The following CDKL5 variants were observed in gnomAD, a reference collection of about 807,000 sequenced individuals.
CDKL5 encodes the protein cyclin dependent kinase like 5.
CDKL5 carries 8 observed loss-of-function variants against 61.7 expected under a neutral mutation model. That is an observed-to-expected ratio of 0.13 (90% confidence interval 0.08 to 0.23). The LOEUF (loss-of-function observed/expected upper bound fraction) is 0.23. Among genes scored for constraint, CDKL5 ranks in the 10% least tolerant of loss-of-function variants. The pLI, the probability that CDKL5 is intolerant of heterozygous loss-of-function variation, is 1.00. For synonymous variants in CDKL5, 275 were observed against 272.3 expected, an observed-to-expected ratio of 1.01 and a Z score of -0.10; for missense variants, 440 against 734.5, an observed-to-expected ratio of 0.60 and a Z score of 4.63.
rs149804050 is a variant in CDKL5 at position 18,529,394 on chromosome X, A to G, written c.99+18540A>G. ...TACTCAGTCAATAATAGTTACTATTATTATTTTGAACAGTTATCAATTAAG... is the reference window on the plus strand; with the variant it reads ...TACTCAGTCAATAATAGTTACTATTGTTATTTTGAACAGTTATCAATTAAG... On this transcript the variant is annotated intron_variant, in intron 3 of 17. Coordinates refer to ENST00000623535, the MANE Select transcript of CDKL5 (RefSeq NM_001323289.2). Among the ~76,000 whole-genome samples, 107 of 110,804 alleles carry G rather than the reference A, an allele frequency of 9.7e-4. 1 individual carries two copies. The East Asian group carries it at 0.021, about 21-fold the overall frequency.
intron 3 of CDKL5, among the ~76,000 whole-genome samples, chrX:18,554,056 A>G (rs1479142455): frequency 1.9e-5 from 2 of 106,758 alleles, no homozygotes; most frequent in African/African-American, 6.7e-5. Context: ...AGGTATTTAT[A>G]TATATATATT....
intron 3 of CDKL5, among the ~76,000 whole-genome samples, chrX:18,543,119 C>G (rs1485711681): frequency 9.1e-6 from 1 of 110,191 alleles, no homozygotes; most frequent in Non-Finnish European, 1.9e-5. Context: ...CCTACTTGGG[C>G]CTGCTGAAAC....
chrX:18,425,732 C>T (rs1205279634), intron 1 of CDKL5, 37 bp downstream of exon 1: 1 of 112,074 alleles, frequency 8.9e-6, no homozygotes, highest in East Asian at 2.9e-4. Context: ...GCCAAGCCTT[C>T]TTACCCTTAC....
intron 1 of CDKL5, among the ~76,000 whole-genome samples, chrX:18,428,067 TA>T (rs973322122): frequency 3.6e-5 from 4 of 111,770 alleles, no homozygotes; most frequent in African/African-American, 1.3e-4. Flanking sequence ...TGCTTGGGGT[TA>T]AGGCAGTTTC....
intron 3 of CDKL5, among the ~76,000 whole-genome samples, chrX:18,533,380 A>AG (rs1213263397): frequency 3.6e-5 from 4 of 111,804 alleles, no homozygotes; most frequent in African/African-American, 1.3e-4. Flanking sequence ...GCACCATGCC[A>AG]GGTTCCACCA....
chrX:18,652,202 A>G (rs2238952), intron 21 of CDKL5, among the ~76,000 whole-genome samples: 31,299 of 110,355 alleles, frequency 0.28, 4,268 homozygotes, highest in African/African-American at 0.52. Flanking sequence ...AACACACACC[A>G]TCGCCCCATC....
At chrX:18,525,767 A>G (rs1198354992) in intron 3 of CDKL5, among the ~76,000 whole-genome samples, 1 of 87,059 alleles carries the variant, frequency 1.1e-5, no homozygotes, top group African/African-American at 4.4e-5. Flanking sequence ...TTTTTTTTTA[A>G]TTGGAGTCTC....
chrX:18,468,935 T>C (rs1362401619), intron 1 of CDKL5, among the ~76,000 whole-genome samples: 1 of 111,681 alleles, frequency 9.0e-6, no homozygotes, highest in African/African-American at 3.3e-5. Context: ...GTCACAATCA[T>C]GAAAGAAATA....
In CDKL5 at chrX:18,431,577, A is replaced by G. The variant is rs748531424; in HGVS notation, c.-163+5882A>G. Reference sequence around the variant, plus strand: ...GCTGGGACTACAGGCGCCCGCCACCATGCCTAGCTAATTTTTTTTTTTGTA... The same window carrying G: ...GCTGGGACTACAGGCGCCCGCCACCGTGCCTAGCTAATTTTTTTTTTTGTA... On this transcript the variant is annotated intron_variant, in intron 1 of 17. Transcript: ENST00000623535. Among the ~76,000 whole-genome samples, 318 of 107,326 alleles carry G rather than the reference A, an allele frequency of 3.0e-3. 2 individuals carry two copies. The highest frequency in any genetic ancestry group is 0.011 in the African/African-American group (317 of 29,429). 93.2% of individuals were successfully genotyped at this position (107,326 alleles called of 115,157 possible). A position where few individuals can be genotyped will look rare whatever the true frequency, so the allele number is the denominator to read the frequency against.
At chrX:18,583,390 A>G (rs1925544077) in intron 7 of CDKL5, among the ~76,000 whole-genome samples, 1 of 111,813 alleles carries the variant, frequency 8.9e-6, no homozygotes, top group Middle Eastern at 4.6e-3. Context: ...TCAAAAATAC[A>G]AATATTTCTT....
At chrX:18,436,771 GCCTGTAGTCCCAGCTACTC>G (rs2147620692) in intron 1 of CDKL5, among the ~76,000 whole-genome samples, 1 of 107,791 alleles carries the variant, frequency 9.3e-6, no homozygotes, top group East Asian at 2.9e-4. Context: ...GGTGGTATGT[GCCTGTAGTCCCAGCTACTC>G]CCAGAGAGTA....
intron 1 of CDKL5, among the ~76,000 whole-genome samples, chrX:18,499,251 C>G (rs1466460062): frequency 9.0e-6 from 1 of 110,631 alleles, no homozygotes; most frequent in Admixed American, 9.7e-5. Flanking sequence ...TTTTCTCTTT[C>G]ATTTAGTTCT....
At chrX:18,481,302 T>C (rs1231925608) in intron 1 of CDKL5, among the ~76,000 whole-genome samples, 3 of 106,607 alleles carry the variant, frequency 2.8e-5, no homozygotes, top group Admixed American at 1.0e-4. Context: ...GTTTCAGCCA[T>C]TTCACCAAAG....
rs777145138 is a variant in CDKL5 at position 18,501,057 on chromosome X, T to TC, written c.-162-5877dup. Among the ~76,000 whole-genome samples the TC allele has an allele frequency of 3.0e-4, 33 of 111,299 alleles. No homozygotes were observed. In the South Asian group the frequency reaches 0.012, roughly 42 times the overall value. Reference sequence around the variant, plus strand: ...GGTTTCACCATGTTGGCCAGGTTGGTCTCCAACTCCTGACCTTAAGCAGTC... The same window carrying TC: ...GGTTTCACCATGTTGGCCAGGTTGGTCCTCCAACTCCTGACCTTAAGCAGTC... On this transcript the variant is annotated intron_variant, in intron 1 of 17. Transcript: ENST00000623535.
rs1291477933 is a variant in CDKL5 at position 18,445,964 on chromosome X, T to A, written c.-163+20269T>A. ...GAGGGCAGGGGTGAGCAGGTGTTTA[T>A]CATATGAAGAATCTCATTTAATACG... is the stretch of plus-strand genomic sequence containing the variant. On this transcript the variant is annotated intron_variant, in intron 1 of 17. Coordinates refer to ENST00000623535, the MANE Select transcript of CDKL5 (RefSeq NM_001323289.2). Among the ~76,000 whole-genome samples the A allele has an allele frequency of 2.7e-5, 3 of 110,621 alleles. No homozygotes were observed. In the East Asian group the frequency reaches 8.5e-4, roughly 31 times the overall value.
At chrX:18,517,440 A>G (rs1012368356) in intron 3 of CDKL5, among the ~76,000 whole-genome samples, 1 of 111,791 alleles carries the variant, frequency 8.9e-6, no homozygotes, top group African/African-American at 3.2e-5. Context: ...GAATACTTAT[A>G]GTTAACTTTA....
intron 14 of CDKL5, 117 bp downstream of exon 14, chrX:18,609,687 C>G (rs1024342363): frequency 3.6e-6 from 4 of 1,108,824 alleles, no homozygotes; most frequent in Non-Finnish European, 4.8e-6. Flanking sequence ...CGCCTTCCAG[C>G]GGTTCTCCCT....
intron 16 of CDKL5, among the ~76,000 whole-genome samples, chrX:18,620,569 G>A (rs1268696396): frequency 2.7e-5 from 3 of 110,988 alleles, no homozygotes; most frequent in East Asian, 2.8e-4. Flanking sequence ...CCATGGGACC[G>A]TTCACATCAC....
At chrX:18,473,887 G>A (rs1293505879) in intron 1 of CDKL5, among the ~76,000 whole-genome samples, 3 of 107,395 alleles carry the variant, frequency 2.8e-5, no homozygotes, top group Non-Finnish European at 5.8e-5. Context: ...GGCCATCAGG[G>A]GAACTTCGGT....
Sources: gnomAD v4.1 joint callset for allele counts (sites outside exome capture counted in the v4.1 genomes callset) on GRCh38, gnomAD v4.1.1 for gene constraint, MANE v1.5 for transcripts, NCBI Gene and HGNC (gene_info 2026-07-23, HGNC 2026-07-21) for gene names.